The following STAU2 variants were observed in gnomAD, a reference collection of about 807,000 sequenced individuals.
STAU2 encodes the protein double-stranded RNA-binding protein Staufen homolog 2.
Under a neutral mutation model 65.9 loss-of-function variants are expected in STAU2, and 20 were observed. The observed-to-expected ratio is 0.30, with a 90% CI of 0.21 to 0.44. The LOEUF (loss-of-function observed/expected upper bound fraction) is 0.44. Among genes scored for constraint, STAU2 ranks in the 20% least tolerant of loss-of-function variants. STAU2 has a pLI of 1.00. For missense variants in STAU2, 558 were observed against 683.9 expected (o/e 0.82, Z 2.05); for synonymous variants, 232 against 233.9 (o/e 0.99, Z 0.07).
chr8:73,661,436 T>C (rs1816826474), intron 6 of STAU2, among the ~76,000 whole-genome samples: 3 of 152,222 alleles, frequency 2.0e-5, no homozygotes, highest in Non-Finnish European at 4.4e-5. Flanking sequence ...CAAAATGTTA[T>C]TTTTTAAATC....
chr8:73,624,518 C>A (rs1345156245), intron 6 of STAU2, among the ~76,000 whole-genome samples: 2 of 152,172 alleles, frequency 1.3e-5, no homozygotes, highest in African/African-American at 4.8e-5. Flanking sequence ...CTATTCCAAG[C>A]ATTTAGATAC....
chr8:73,475,146 G>A lies in STAU2; in HGVS notation c.1531-52444C>T, dbSNP rs551825300. On this transcript the variant is annotated intron_variant, in intron 13 of 14. Coordinates refer to ENST00000524300, the MANE Select transcript of STAU2 (RefSeq NM_001164380.2). ...TGACTGGAAGGGGATCATGGGGTGG[G>A]GGCTTCTGGGAGGCTAGCGTGTCTC... Among the ~76,000 whole-genome samples, 6 of 152,244 alleles carry A rather than the reference G, an allele frequency of 3.9e-5. No individual in the cohort carries two copies. In the East Asian group the frequency reaches 1.2e-3, roughly 29 times the overall value.
At chr8:73,571,464 G>A (rs141510237) in intron 12 of STAU2, among the ~76,000 whole-genome samples, 3,098 of 152,142 alleles carry the variant, frequency 0.02, 103 homozygotes, top group African/African-American at 0.069. Context: ...GCACCACATC[G>A]CACTTATTCC....
chr8:73,708,294 A>G (rs1037786067), intron 4 of STAU2, among the ~76,000 whole-genome samples: 1 of 152,234 alleles, frequency 6.6e-6, no homozygotes, highest in African/African-American at 2.4e-5. Context: ...ATGCTGCCAC[A>G]TTATATACAA....
intron 13 of STAU2, among the ~76,000 whole-genome samples, chr8:73,449,801 G>A (rs1818694518): frequency 6.6e-6 from 1 of 152,174 alleles, no homozygotes; most frequent in Non-Finnish European, 1.5e-5. Context: ...GCCCAGGAGG[G>A]CTTAGGGTGG....
chr8:73,546,120 TTTC>T (rs1563412726), intron 13 of STAU2, among the ~76,000 whole-genome samples: 1 of 113,734 alleles, frequency 8.8e-6, no homozygotes, highest in Non-Finnish European at 1.8e-5. Context: ...TTTGTTTGGT[TTTC>T]TTTTTTTTTT....
chr8:73,633,486 G>A lies in STAU2; in HGVS notation c.411-16035C>T, dbSNP rs532192984. ...AAGGACAAGTTCAAAGTGAAAGGAT[G>A]CATGTGAGATCTGAATGGGGAAGTG... On this transcript the variant is annotated intron_variant, in intron 6 of 14. Transcript: ENST00000524300. Among the ~76,000 whole-genome samples, 102 of 152,312 alleles carry A rather than the reference G, an allele frequency of 6.7e-4. 1 individual carries two copies. The highest frequency in any genetic ancestry group is 2.3e-3 in the African/African-American group (96 of 41,574).
intron 13 of STAU2, among the ~76,000 whole-genome samples, chr8:73,548,693 C>T (rs73328705): frequency 0.064 from 9,728 of 152,184 alleles, 807 homozygotes; most frequent in African/African-American, 0.2. Context: ...AAAACACCAA[C>T]TAAGTGTTTC....
intron 13 of STAU2, among the ~76,000 whole-genome samples, chr8:73,493,654 G>C (rs562527926): frequency 6.6e-6 from 1 of 151,684 alleles, no homozygotes; most frequent in African/African-American, 2.4e-5. Context: ...GTAGCAACTG[G>C]AAGTTTCATA....
At chr8:73,576,615 T>C (rs1015930331) in intron 12 of STAU2, among the ~76,000 whole-genome samples, 9 of 152,144 alleles carry the variant, frequency 5.9e-5, no homozygotes, top group African/African-American at 1.9e-4. Context: ...AATTGGGCGG[T>C]GGGTTCATGG....
chr8:73,547,544 G>A (rs1369867352), intron 13 of STAU2, among the ~76,000 whole-genome samples: 3 of 152,152 alleles, frequency 2.0e-5, no homozygotes, highest in Non-Finnish European at 4.4e-5. Flanking sequence ...AAACCTGAGT[G>A]TTAATGTCAC....
intron 12 of STAU2, among the ~76,000 whole-genome samples, chr8:73,577,236 G>A (rs549622330): frequency 3.1e-4 from 47 of 152,072 alleles, no homozygotes; most frequent in Non-Finnish European, 6.0e-4. Context: ...AGACCATCCT[G>A]GCTAACACAA....
chr8:73,662,860 C>A (rs923608608), intron 6 of STAU2, among the ~76,000 whole-genome samples: 25 of 152,150 alleles, frequency 1.6e-4, no homozygotes, highest in African/African-American at 6.0e-4. Flanking sequence ...AGGTAATCCA[C>A]CTGCCTCAGC....
At chr8:73,480,607 G>T (rs957574435) in intron 13 of STAU2, among the ~76,000 whole-genome samples, 10 of 152,128 alleles carry the variant, frequency 6.6e-5, no homozygotes, top group African/African-American at 2.4e-4. Flanking sequence ...ATAGCCACGG[G>T]ATGGTTATAT....
intron 4 of STAU2, among the ~76,000 whole-genome samples, chr8:73,696,625 A>G (rs753151442): frequency 1.3e-5 from 2 of 152,214 alleles, no homozygotes; most frequent in African/African-American, 2.4e-5. Flanking sequence ...TCTCTTAACA[A>G]CAGAAATGAT....
chr8:73,718,458 A>C (rs1563527077), intron 3 of STAU2, among the ~76,000 whole-genome samples: 2 of 152,206 alleles, frequency 1.3e-5, no homozygotes, highest in Non-Finnish European at 2.9e-5. Context: ...ATAAACCAAG[A>C]AAGGGCTACT....
chr8:73,423,199 A>G (rs1443882475), intron 13 of STAU2, among the ~76,000 whole-genome samples: 1 of 152,162 alleles, frequency 6.6e-6, no homozygotes, highest in East Asian at 1.9e-4. Flanking sequence ...GAGGGGATGG[A>G]TGGTAAGATG....
chr8:73,538,093 A>G (rs1410459445), intron 13 of STAU2, among the ~76,000 whole-genome samples: 1 of 152,226 alleles, frequency 6.6e-6, no homozygotes, highest in Non-Finnish European at 1.5e-5. Context: ...CTTGATTGGA[A>G]GAGACTTGAG....
intron 12 of STAU2, among the ~76,000 whole-genome samples, chr8:73,574,368 A>G (rs1282280101): frequency 6.6e-6 from 1 of 152,210 alleles, no homozygotes; most frequent in Non-Finnish European, 1.5e-5. Context: ...AGAGTCTAGA[A>G]CTAGAAATAC....
Sources: gnomAD v4.1 joint callset for allele counts (sites outside exome capture counted in the v4.1 genomes callset) on GRCh38, gnomAD v4.1.1 for gene constraint, MANE v1.5 for transcripts, NCBI Gene and HGNC (gene_info 2026-07-23, HGNC 2026-07-21) for gene names.